The following DNAAF4 variants were observed in gnomAD, a reference collection of about 807,000 sequenced individuals.
DNAAF4 encodes dynein axonemal assembly factor 4, also known as dynein assembly factor 4, axonemal.
In DNAAF4, 43 loss-of-function variants were observed where a neutral mutation model predicts 51.8. The observed-to-expected ratio is 0.83, with a 90% CI of 0.65 to 1.07. The LOEUF (loss-of-function observed/expected upper bound fraction) is 1.07, where lower values mean the gene tolerates loss of function less well. DNAAF4 is among the 50% of genes least tolerant of loss of function. The pLI, the probability that DNAAF4 is intolerant of heterozygous loss-of-function variation, is 0.00. For synonymous variants in DNAAF4, 194 were observed against 165.6 expected (o/e 1.17, Z -1.32); for missense variants, 581 against 493.0 (o/e 1.18, Z -1.69).
chr15:55,417,776 T>G, exon 8 of DNAAF4: 1 of 200,924 alleles, frequency 5.0e-6, no homozygotes, highest in Admixed American at 5.2e-5. Context: ...AATAAAGCTT[T>G]TTAATCACCT....
intron 1 of DNAAF4, among the ~76,000 whole-genome samples, chr15:55,498,944 GAAA>G (rs112482096): frequency 7.4e-6 from 1 of 135,498 alleles, no homozygotes; most frequent in African/African-American, 3.3e-5. Flanking sequence ...AAGAAAGAAA[GAAA>G]AAAAAAAGCA....
chr15:55,468,099 G>T (rs539976790), intron 4 of DNAAF4, among the ~76,000 whole-genome samples: 5 of 152,210 alleles, frequency 3.3e-5, no homozygotes, highest in African/African-American at 1.2e-4. Flanking sequence ...CTCAGGAACT[G>T]AATTTTTAAT....
Position 55,450,324 on chromosome 15 carries a change from G to A in DNAAF4, c.681C>T (p.Asp227=). The A allele has an allele frequency of 6.2e-7, 1 of 1,613,790 alleles. No individual in the cohort carries two copies. The highest frequency in any genetic ancestry group is 1.3e-5 in the African/African-American group (1 of 75,022). The change falls in exon 6 of 10, where the codon GAC becomes GAT. Residue 227 remains aspartate, a synonymous_variant. Transcript: ENST00000321149. ...ENIFTEKLKE[D]SIPAPRSVGS... ...CAACAGAGCGAGGAGCAGGAATACT[G>A]TCTTCCTTTAACTTCTCAGTAAATA...
chr15:55,459,327 A>G (rs1194052549), intron 5 of DNAAF4, among the ~76,000 whole-genome samples: 1 of 152,182 alleles, frequency 6.6e-6, no homozygotes, highest in African/African-American at 2.4e-5. Flanking sequence ...CTACCATGCC[A>G]GCACTACAAT....
At chr15:55,493,867 G>A (rs941314511) in intron 3 of DNAAF4, among the ~76,000 whole-genome samples, 1 of 151,768 alleles carries the variant, frequency 6.6e-6, no homozygotes, top group African/African-American at 2.4e-5. Context: ...ACTATGCCCG[G>A]CTAATTTTTT....
intron 3 of DNAAF4, among the ~76,000 whole-genome samples, chr15:55,496,342 A>T (rs1479560358): frequency 1.3e-5 from 2 of 152,190 alleles, no homozygotes; most frequent in Non-Finnish European, 2.9e-5. Flanking sequence ...AACTGATTTC[A>T]CTGGATTAGA....
intron 1 of DNAAF4, among the ~76,000 whole-genome samples, chr15:55,499,042 C>T (rs544091141): frequency 6.6e-6 from 1 of 152,224 alleles, no homozygotes; most frequent in African/African-American, 2.4e-5. Flanking sequence ...AGGTGCAATG[C>T]CCATACGCCC....
chr15:55,428,484 CTTTTTTTTTTTTTTTTTTTT>C (rs747325376), downstream of DNAAF4, among the ~76,000 whole-genome samples: 2 of 85,012 alleles, frequency 2.4e-5, no homozygotes, highest in African/African-American at 4.2e-5. Flanking sequence ...TCTTTTTTTT[CTTTTTTTTTTTTTTTTTTTT>C]TTTTTTTTGA....
At chr15:55,465,898 T>C (rs933798027) in intron 5 of DNAAF4, among the ~76,000 whole-genome samples, 1 of 152,056 alleles carries the variant, frequency 6.6e-6, no homozygotes, top group African/African-American at 2.4e-5. Flanking sequence ...AGCTGAGCTA[T>C]GAGGATGCCA....
chr15:55,473,650 T>G (rs981387290), intron 4 of DNAAF4, among the ~76,000 whole-genome samples: 7 of 151,852 alleles, frequency 4.6e-5, no homozygotes, highest in African/African-American at 1.7e-4. Context: ...AAATAAAAAT[T>G]TATAAGCTGG....
intron 7 of DNAAF4, among the ~76,000 whole-genome samples, chr15:55,422,327 G>A (rs938592402): frequency 6.6e-6 from 1 of 152,134 alleles, no homozygotes; most frequent in African/African-American, 2.4e-5. Context: ...TCAAGTTGAT[G>A]TAAGGCAACT....
At chr15:55,437,354 T>A (rs2057629919) in intron 7 of DNAAF4, among the ~76,000 whole-genome samples, 1 of 152,144 alleles carries the variant, frequency 6.6e-6, no homozygotes, top group African/African-American at 2.4e-5. Context: ...AACCAACCTG[T>A]CAGTTCCAGG....
rs111660567 is a variant in DNAAF4 at position 55,464,848 on chromosome 15, G to C, written c.637+2082C>G. ...TACATGCCTGTAATCCTAGCTACTC[G>C]GGAGGCTGAAGCAGGAGAATCGCTT... is the stretch of plus-strand genomic sequence containing the variant. On this transcript the variant is annotated intron_variant, in intron 5 of 9. Coordinates refer to ENST00000321149, the MANE Select transcript of DNAAF4 (RefSeq NM_130810.4). Among the ~76,000 whole-genome samples, 12 of 152,160 alleles carry C rather than the reference G, an allele frequency of 7.9e-5. 1 individual carries two copies. The South Asian group carries it at 2.5e-3, about 32-fold the overall frequency.
intron 4 of DNAAF4, among the ~76,000 whole-genome samples, chr15:55,490,588 C>T (rs757014003): frequency 3.9e-5 from 6 of 152,124 alleles, no homozygotes; most frequent in Non-Finnish European, 7.3e-5. Context: ...TATTTTTACT[C>T]CCCTAGAAAT....
At chr15:55,474,292 T>C (rs1211645730) in intron 4 of DNAAF4, among the ~76,000 whole-genome samples, 1 of 152,074 alleles carries the variant, frequency 6.6e-6, no homozygotes, top group South Asian at 2.1e-4. Flanking sequence ...TCTCAACACT[T>C]TGGGAGGCCG....
rs1162485238 is a variant in DNAAF4 at position 55,469,474 on chromosome 15, C to CTTTTTTTTTTTT, written c.406-2325_406-2314dup. 1.4e-4 allele frequency among the ~76,000 whole-genome samples: 9 copies of CTTTTTTTTTTTT among 66,254 alleles called. 2 individuals are homozygous for CTTTTTTTTTTTT. Among genetic ancestry groups the CTTTTTTTTTTTT allele is most frequent in the African/African-American group, 5.1e-4 (8 of 15,676 alleles). 43.5% of individuals were successfully genotyped at this position (66,254 alleles called of 152,430 possible). On this transcript the variant is annotated intron_variant, in intron 4 of 9. Transcript: ENST00000321149. The stretch of plus-strand genomic sequence containing the variant: ...TGGGTTTCTCCTATGCTTACCAATT[C>CTTTTTTTTTTTT]TTTTTTTTTTTTTTTTTTTTTTTTT...
chr15:55,467,194 A>G, intron 4 of DNAAF4, 33 bp from the exon 5 acceptor site: 1 of 1,450,972 alleles, frequency 6.9e-7, no homozygotes, highest in South Asian at 1.3e-5. Flanking sequence ...ATTCTTTAAA[A>G]TACATAAAAG....
intron 4 of DNAAF4, among the ~76,000 whole-genome samples, chr15:55,485,442 T>C (rs977940028): frequency 2.6e-5 from 4 of 152,214 alleles, no homozygotes; most frequent in Non-Finnish European, 4.4e-5. Flanking sequence ...TGAGGTCCTA[T>C]GGCATTAAAT....
chr15:55,421,948 G>T (rs561852214), intron 7 of DNAAF4, among the ~76,000 whole-genome samples: 7 of 147,768 alleles, frequency 4.7e-5, no homozygotes, highest in African/African-American at 7.4e-5. Context: ...AATAATAAAG[G>T]TCCCAGGACT....
Sources: allele counts gnomAD v4.1 joint callset (sites outside exome capture counted in the v4.1 genomes callset), GRCh38; gene constraint gnomAD v4.1.1; transcripts MANE v1.5; gene names NCBI Gene and HGNC (gene_info 2026-07-23, HGNC 2026-07-21).